HMG20A: variants seen among roughly 807,000 people sequenced by gnomAD.
HMG20A encodes the protein high mobility group protein 20A.
A neutral mutation model predicts 43.9 loss-of-function variants in HMG20A; 17 were observed. That is an observed-to-expected ratio of 0.39 (90% CI 0.27 to 0.58). The LOEUF is 0.58. Ranked by LOEUF, HMG20A falls within the 20% of genes least tolerant of loss-of-function variation. The probability of loss-of-function intolerance (pLI) is 0.59; values close to 1 mark genes in which losing one functional copy is unlikely to be tolerated. For synonymous variants in HMG20A, 132 were observed against 147.5 expected, an observed-to-expected ratio of 0.89 and a Z score of 0.76; for missense variants, 341 against 438.2, an observed-to-expected ratio of 0.78 and a Z score of 1.98.
At position 77,478,280 on chromosome 15, in the gene HMG20A, G is replaced by T. The variant is rs780445038; in HGVS notation, c.692-15G>T. On this transcript the variant is annotated splice_polypyrimidine_tract_variant and intron_variant, in intron 7 of 9. Coordinates refer to ENST00000336216, the MANE Select transcript of HMG20A (RefSeq NM_001304504.2). ...TTCTAGTGCTGCATGTGTTCTGTGG[G>T]ATGTATGTCCTCAGCTCGGGAAGCA... 15 of 1,612,450 alleles carry T rather than the reference G, an allele frequency of 9.3e-6. No homozygotes were observed. Among genetic ancestry groups the T allele is most frequent in the Non-Finnish European group, 5.1e-6 (6 of 1,179,758 alleles).
chr15:77,509,606 G>C, the HMG20A span, among the ~76,000 whole-genome samples: 1 of 118,478 alleles, frequency 8.4e-6, no homozygotes, highest in Non-Finnish European at 1.8e-5. Context: ...GTGTGTGTGT[G>C]TCTTAAAGAA....
At chr15:77,500,063 TCAAA>T in the HMG20A span, among the ~76,000 whole-genome samples, 1 of 152,076 alleles carries the variant, frequency 6.6e-6, no homozygotes. Flanking sequence ...ACTCCTGACC[TCAAA>T]TGATCCACCC....
the HMG20A span, among the ~76,000 whole-genome samples, chr15:77,491,711 G>C: frequency 6.6e-6 from 1 of 152,144 alleles, no homozygotes; most frequent in Non-Finnish European, 1.5e-5. Flanking sequence ...AGGCAAAAGA[G>C]CTTTACCAGG....
chr15:77,514,376 C>T, the HMG20A span, among the ~76,000 whole-genome samples: 2 of 152,016 alleles, frequency 1.3e-5, no homozygotes, highest in African/African-American at 2.4e-5. Flanking sequence ...ATACCAAAGT[C>T]GATTTAATGA....
the HMG20A span, among the ~76,000 whole-genome samples, chr15:77,491,351 GACA>G: frequency 1.3e-5 from 2 of 152,232 alleles, no homozygotes; most frequent in Non-Finnish European, 2.9e-5. Context: ...TGGAATGTAA[GACA>G]ACAACCTATT....
chr15:77,427,591 C>G (rs1267123537), intron 1 of HMG20A, among the ~76,000 whole-genome samples: 1 of 152,116 alleles, frequency 6.6e-6, no homozygotes, highest in Non-Finnish European at 1.5e-5. Flanking sequence ...ACCTTGGAAC[C>G]TGGATCTGTT....
intron 1 of HMG20A, among the ~76,000 whole-genome samples, chr15:77,434,049 C>T (rs965041687): frequency 1.6e-4 from 25 of 152,298 alleles, no homozygotes; most frequent in African/African-American, 4.8e-4. Context: ...ATCTGTGGAA[C>T]ATAATTGAGA....
rs139911405 is a variant in HMG20A, at chr15:77,432,654, G to A, written c.-5+11650G>A. On this transcript the variant is annotated intron_variant, in intron 1 of 9. Transcript: ENST00000336216. The stretch of plus-strand genomic sequence containing the variant: ...GGAGAATCACTTGAACCCTGGAGGC[G>A]GAGGTTGCAGTAAGCCGAGATCGCG... 3.9e-4 allele frequency among the ~76,000 whole-genome samples: 59 copies of A among 150,982 alleles called. No individual in the cohort carries two copies. In the East Asian group the frequency reaches 4.1e-3, roughly 10 times the overall value.
intron 1 of HMG20A, among the ~76,000 whole-genome samples, chr15:77,455,446 G>A (rs949249981): frequency 7.3e-5 from 11 of 151,688 alleles, no homozygotes; most frequent in Admixed American, 7.2e-4. Flanking sequence ...TCAGTGAGTG[G>A]TTAGTGTTAG....
At chr15:77,471,263 T>C (rs997918431) in intron 5 of HMG20A, among the ~76,000 whole-genome samples, 2 of 152,316 alleles carry the variant, frequency 1.3e-5, no homozygotes, top group Admixed American at 6.5e-5. Context: ...GATTTTGACT[T>C]GTCCTCCGAG....
intron 8 of HMG20A, 44 bp downstream of exon 8, chr15:77,478,554 T>C: frequency 6.6e-7 from 1 of 1,518,800 alleles, no homozygotes; most frequent in Non-Finnish European, 9.0e-7. Flanking sequence ...GGGGTGTGTG[T>C]GTTGTGTGGA....
chr15:77,479,156 A>T lies in HMG20A; in HGVS notation c.908-23A>T, dbSNP rs373854127. Reference sequence around the variant, plus strand: ...ACAACTGAATAGGGAGGATTTTCTTACTTTCTTCTTATCTCACTTCAGGAA... The same window carrying T: ...ACAACTGAATAGGGAGGATTTTCTTTCTTTCTTCTTATCTCACTTCAGGAA... On this transcript the variant is annotated intron_variant, in intron 8 of 9. Transcript: ENST00000336216. The T allele has an allele frequency of 1.8e-5, 29 of 1,611,812 alleles. No homozygotes were observed. In the Middle Eastern group the frequency reaches 6.6e-4, roughly 37 times the overall value.
In HMG20A at chr15:77,464,269, G is replaced by A. The variant is rs767825320; in HGVS notation, c.119G>A (p.Ser40Asn). The A allele has an allele frequency of 1.2e-6, 2 of 1,613,860 alleles. No homozygotes were observed. Among genetic ancestry groups the A allele is most frequent in the Middle Eastern group, 1.7e-4 (1 of 6,058 alleles). Residue 40 changes from serine to asparagine, a missense_variant, in exon 3 of 10, where the codon AGT becomes AAT. Physicochemically the swap from Ser to Asn is conservative, Grantham distance 46 (BLOSUM62 1). This residue lies in a region of HMG20A where 220 missense variants were observed against 263.6 expected (regional missense o/e 0.83). Coordinates refer to ENST00000336216, the MANE Select transcript of HMG20A (RefSeq NM_001304504.2). ...AATCACCCAGAGGTTCCATACAGTA[G>A]TGGCGCCACATCATCCACCAACAAT... Reference protein sequence around the residue: ...GLNHPEVPYSSGATSSTNNPE... With the variant: ...GLNHPEVPYSNGATSSTNNPE...
rs965094122 is a variant in HMG20A at position 77,485,494 on chromosome 15, A to G, written c.*2531A>G. On this transcript the variant is annotated 3_prime_UTR_variant, in exon 10 of 10. Transcript: ENST00000336216. ...ATGTGTTTGGAACTGTTGAAATGCCAAGTTTTCTGTATAAGTGTTTTTGTA... is the reference window on the plus strand; with the variant it reads ...ATGTGTTTGGAACTGTTGAAATGCCGAGTTTTCTGTATAAGTGTTTTTGTA... 8 of 152,654 alleles carry G rather than the reference A, an allele frequency of 5.2e-5. No homozygotes were observed. The highest frequency in any genetic ancestry group is 1.0e-4 in the Non-Finnish European group (7 of 68,032). The allele number at this position is 152,654 out of a possible 1,614,324, so 9.5% of individuals were successfully genotyped here.
chr15:77,448,977 A>G (rs1337943023), intron 1 of HMG20A, among the ~76,000 whole-genome samples: 2 of 152,006 alleles, frequency 1.3e-5, no homozygotes, highest in Non-Finnish European at 2.9e-5. Flanking sequence ...TTGAACCAGG[A>G]GGTAGGGGTT....
At chr15:77,519,972 G>A in the HMG20A span, among the ~76,000 whole-genome samples, 2 of 152,158 alleles carry the variant, frequency 1.3e-5, no homozygotes, top group African/African-American at 2.4e-5. Flanking sequence ...AGGCCAAGGC[G>A]GGTGGATCAC....
In HMG20A at chr15:77,464,597, T is replaced by TA. The variant is rs2072737611; in HGVS notation, c.237+212dup. On this transcript the variant is annotated intron_variant, in intron 3 of 9. Transcript: ENST00000336216. Reference sequence around the variant, plus strand: ...GGTAGACTCTTTTTTCCCTGTTCCCTAAGAAATGTATACTTACCTCATATT... The same window carrying TA: ...GGTAGACTCTTTTTTCCCTGTTCCCTAAAGAAATGTATACTTACCTCATATT... 4 of 422,616 alleles carry TA rather than the reference T, an allele frequency of 9.5e-6. No individual in the cohort carries two copies. In the South Asian group the frequency reaches 1.1e-4, roughly 11 times the overall value. 26.2% of individuals were successfully genotyped at this position (422,616 alleles called of 1,614,324 possible).
At chr15:77,457,202 T>C (rs1298839690) in intron 1 of HMG20A, among the ~76,000 whole-genome samples, 1 of 152,230 alleles carries the variant, frequency 6.6e-6, no homozygotes, top group African/African-American at 2.4e-5. Flanking sequence ...ATGGAGAATG[T>C]GGTCCTCGTG....
chr15:77,422,409 A>G (rs1366274763), intron 1 of HMG20A, among the ~76,000 whole-genome samples: 2 of 152,162 alleles, frequency 1.3e-5, no homozygotes, highest in African/African-American at 4.8e-5. Context: ...CGAGGTCAGG[A>G]GTTCGAGACC....
Sources: allele counts gnomAD v4.1 joint callset (sites outside exome capture counted in the v4.1 genomes callset), GRCh38; gene constraint gnomAD v4.1.1; regional missense constraint gnomAD v4.1.1; transcripts MANE v1.5; gene names NCBI Gene and HGNC (gene_info 2026-07-23, HGNC 2026-07-21).